The following SORD variants were observed in gnomAD, a reference collection of about 807,000 sequenced individuals.
SORD encodes the protein sorbitol dehydrogenase.
A neutral mutation model predicts 35.6 loss-of-function variants in SORD; 18 were observed. The observed-to-expected ratio is 0.51, with a 90% CI of 0.35 to 0.75. The LOEUF is 0.75. Among genes scored for constraint, SORD ranks in the 30% least tolerant of loss-of-function variants. SORD has a pLI of 0.01. For missense variants in SORD, 250 were observed against 390.2 expected, an observed-to-expected ratio of 0.64 and a Z score of 3.03; for synonymous variants, 106 against 152.9, an observed-to-expected ratio of 0.69 and a Z score of 2.26.
At position 45,073,526 on chromosome 15, in the gene SORD, C is replaced by T. The variant is rs2412946; in HGVS notation, c.1070C>T (p.Pro357Leu). ...AAGTGTGACCCCAGTGACCAGAATC[C>T]CTGATGTTAATGGGCTCTGCCCTCA... is the stretch of plus-strand genomic sequence containing the variant. ...MLKCDPSDQN[P>L] is the part of the protein sequence containing the mutation. Residue 357 changes from proline (P) to leucine (L), a missense_variant, in exon 9 of 9, where the codon CCC becomes CTC. Around this residue, in one of 8 missense-constraint regions of SORD, gnomAD observed 17 missense variants for 26.2 expected, o/e 0.65. Coordinates refer to ENST00000267814, the MANE Select transcript of SORD (RefSeq NM_003104.6). The T allele has an allele frequency of 0.19, 290,892 of 1,530,492 alleles. 4,248 individuals are homozygous for T. Among genetic ancestry groups the T allele is most frequent in the African/African-American group, 0.48 (31,101 of 64,432 alleles). 94.8% of individuals were successfully genotyped at this position (1,530,492 alleles called of 1,614,324 possible).
chr15:45,034,246 G>C (rs1265322357), intron 1 of SORD, among the ~76,000 whole-genome samples: 1 of 152,024 alleles, frequency 6.6e-6, no homozygotes, highest in Non-Finnish European at 1.5e-5. Flanking sequence ...TAACTACCCT[G>C]AGGTCACGCA....
chr15:45,049,461 A>G (rs1893094308), intron 3 of SORD, among the ~76,000 whole-genome samples: 1 of 152,178 alleles, frequency 6.6e-6, no homozygotes, highest in African/African-American at 2.4e-5. Context: ...AGAAAAAACA[A>G]TGTGGGTTAT....
At chr15:45,048,147 CCTTTA>C (rs1399367063) in intron 3 of SORD, among the ~76,000 whole-genome samples, 3 of 152,200 alleles carry the variant, frequency 2.0e-5, no homozygotes, top group Non-Finnish European at 2.9e-5. Context: ...GTCTCCCTTT[CCTTTA>C]CAACAGAAAA....
intron 3 of SORD, among the ~76,000 whole-genome samples, chr15:45,043,796 G>A (rs1262055815): frequency 2.0e-5 from 3 of 149,064 alleles, no homozygotes; most frequent in African/African-American, 7.6e-5. Context: ...GTGAACCACG[G>A]CCTTGGATAT....
intron 5 of SORD, among the ~76,000 whole-genome samples, chr15:45,067,869 G>A (rs1197178945): frequency 1.3e-5 from 2 of 152,216 alleles, no homozygotes; most frequent in Non-Finnish European, 1.5e-5. Flanking sequence ...ATAAGTTTGT[G>A]TTTCCTTGAA....
intron 2 of SORD, among the ~76,000 whole-genome samples, chr15:45,042,990 A>G (rs896631463): frequency 1.3e-5 from 2 of 151,648 alleles, no homozygotes; most frequent in African/African-American, 4.9e-5. Flanking sequence ...TTAAAAGTTA[A>G]CCATGCCCAA....
At chr15:45,059,131 A>AT (rs1214538201) in intron 3 of SORD, among the ~76,000 whole-genome samples, 1 of 151,930 alleles carries the variant, frequency 6.6e-6, no homozygotes, top group Non-Finnish European at 1.5e-5. Context: ...CTGCAGCTTG[A>AT]TTTTTTCCAG....
chr15:45,037,198 T>C (rs1462940993), intron 1 of SORD, among the ~76,000 whole-genome samples: 1 of 152,186 alleles, frequency 6.6e-6, no homozygotes, highest in Non-Finnish European at 1.5e-5. Flanking sequence ...TTTGAACTTC[T>C]CCATCAAGCG....
intron 1 of SORD, among the ~76,000 whole-genome samples, chr15:45,038,004 T>A (rs546898635): frequency 6.6e-6 from 1 of 152,182 alleles, no homozygotes; most frequent in East Asian, 1.9e-4. Context: ...GAAGGATCAC[T>A]TTACACAGCG....
At chr15:45,062,297 C>T (rs1172743641) in intron 4 of SORD, among the ~76,000 whole-genome samples, 3 of 152,258 alleles carry the variant, frequency 2.0e-5, no homozygotes, top group Non-Finnish European at 4.4e-5. Context: ...GCCCACTCCC[C>T]TACCCTACTC....
At chr15:45,049,325 TG>T (rs1329789634) in intron 3 of SORD, among the ~76,000 whole-genome samples, 3 of 151,530 alleles carry the variant, frequency 2.0e-5, no homozygotes, top group African/African-American at 2.4e-5. Context: ...CTGCTGGAGG[TG>T]GGGGTTGTGT....
intron 1 of SORD, among the ~76,000 whole-genome samples, chr15:45,026,948 T>C (rs879768941): frequency 6.6e-6 from 1 of 152,038 alleles, no homozygotes; most frequent in Non-Finnish European, 1.5e-5. Flanking sequence ...CTAAGGAGAC[T>C]GCACCATTCT....
At chr15:45,035,276 T>G (rs1892845255) in intron 1 of SORD, among the ~76,000 whole-genome samples, 1 of 152,138 alleles carries the variant, frequency 6.6e-6, no homozygotes, top group Non-Finnish European at 1.5e-5. Flanking sequence ...CGAGATCCAC[T>G]GGGTGAAGCC....
intron 1 of SORD, among the ~76,000 whole-genome samples, chr15:45,040,170 G>A (rs1892943825): frequency 6.6e-6 from 1 of 151,820 alleles, no homozygotes; most frequent in African/African-American, 2.4e-5. Flanking sequence ...TGGGCATGCT[G>A]CTGTTGGGTC....
chr15:45,057,450 G>T (rs1307550843), intron 3 of SORD, among the ~76,000 whole-genome samples: 1 of 152,186 alleles, frequency 6.6e-6, no homozygotes, highest in Admixed American at 6.5e-5. Context: ...AAGAACATGT[G>T]TATTAAATTC....
At chr15:45,047,907 C>T (rs1893070133) in intron 3 of SORD, among the ~76,000 whole-genome samples, 1 of 152,214 alleles carries the variant, frequency 6.6e-6, no homozygotes, top group Non-Finnish European at 1.5e-5. Flanking sequence ...GGTCACTCCC[C>T]AGATTCAGAC....
At chr15:45,054,534 G>T (rs1595503638) in intron 3 of SORD, among the ~76,000 whole-genome samples, 1 of 152,302 alleles carries the variant, frequency 6.6e-6, no homozygotes, top group Non-Finnish European at 1.5e-5. Flanking sequence ...CATTGTAGAT[G>T]CTGGATATTA....
chr15:45,065,500 G>A (rs1893390202), intron 5 of SORD, 111 bp downstream of exon 5: 1 of 1,485,178 alleles, frequency 6.7e-7, no homozygotes, highest in Non-Finnish European at 9.0e-7. Flanking sequence ...AATCCTTCTG[G>A]GTAAGGGAGG....
chr15:45,068,372 T>C, intron 6 of SORD, 126 bp downstream of exon 6: 1 of 740,634 alleles, frequency 1.4e-6, no homozygotes, highest in Non-Finnish European at 2.4e-6. Context: ...ATATGGATTG[T>C]GGAAATATAG....
Sources: gnomAD v4.1 joint callset for allele counts (sites outside exome capture counted in the v4.1 genomes callset) on GRCh38, gnomAD v4.1.1 for gene constraint, gnomAD v4.1.1 regional missense constraint, MANE v1.5 for transcripts, NCBI Gene and HGNC (gene_info 2026-07-23, HGNC 2026-07-21) for gene names.